Variants in UNC13C observed in about 807,000 individuals in gnomAD.
UNC13C encodes protein unc-13 homolog C.
A neutral mutation model predicts 245.4 loss-of-function variants in UNC13C; 174 were observed. The observed-to-expected ratio is 0.71, with a 90% confidence interval of 0.63 to 0.80. UNC13C has a LOEUF of 0.80. Among genes scored for constraint, UNC13C ranks in the 30% least tolerant of loss-of-function variants. The pLI is 0.00. For missense variants in UNC13C, 2,829 were observed against 2,602.9 expected (o/e 1.09, Z -1.89); for synonymous variants, 992 against 895.1 (o/e 1.11, Z -1.93).
chr15:54,344,212 C>T (rs1228678438), intron 17 of UNC13C, among the ~76,000 whole-genome samples: 3 of 152,094 alleles, frequency 2.0e-5, no homozygotes. Flanking sequence ...AATTAAGCTG[C>T]CAAAGTGAAG....
intron 13 of UNC13C, among the ~76,000 whole-genome samples, chr15:54,316,365 G>A (rs1567181670): frequency 6.6e-6 from 1 of 151,632 alleles, no homozygotes; most frequent in East Asian, 2.0e-4. Flanking sequence ...CCATTCCTCT[G>A]GAATACATTC....
chr15:54,403,156 C>A (rs1200680677), intron 18 of UNC13C, among the ~76,000 whole-genome samples: 1 of 152,230 alleles, frequency 6.6e-6, no homozygotes, highest in African/African-American at 2.4e-5. Flanking sequence ...TTACCCCATG[C>A]ACATCACACA....
chr15:54,185,193 C>T lies in UNC13C; in HGVS notation c.3071+41509C>T, dbSNP rs372861875. Reference sequence around the variant, plus strand: ...AGCCCTTTGTCAGATGAGTAGGTTGCAAAAATTTTTCTCCCATTCTGTAGG... The same window carrying T: ...AGCCCTTTGTCAGATGAGTAGGTTGTAAAAATTTTTCTCCCATTCTGTAGG... On this transcript the variant is annotated intron_variant, in intron 4 of 32. Transcript: ENST00000260323. Among the ~76,000 whole-genome samples the T allele has an allele frequency of 2.9e-3, 422 of 148,022 alleles. 1 individual carries two copies. The highest frequency in any genetic ancestry group is 5.1e-3 in the Non-Finnish European group (345 of 67,708).
intron 7 of UNC13C, 42 bp downstream of exon 7, chr15:54,237,732 C>T: frequency 3.5e-6 from 5 of 1,419,246 alleles, no homozygotes; most frequent in Non-Finnish European, 4.9e-6. Context: ...CTAGATATTG[C>T]TCATAATCAC....
chr15:53,940,158 G>T, the UNC13C span, among the ~76,000 whole-genome samples: 1 of 152,244 alleles, frequency 6.6e-6, no homozygotes, highest in Admixed American at 6.5e-5. Context: ...TTAGATAAGG[G>T]CTTAGAAATG....
chr15:54,333,089 T>C (rs114368467), intron 15 of UNC13C, among the ~76,000 whole-genome samples: 82 of 152,156 alleles, frequency 5.4e-4, no homozygotes, highest in African/African-American at 1.9e-3. Context: ...GAATATCTCG[T>C]AATTAGCGAT....
intron 19 of UNC13C, among the ~76,000 whole-genome samples, chr15:54,426,858 G>T (rs73419622): frequency 2.0e-5 from 3 of 151,742 alleles, no homozygotes; most frequent in Non-Finnish European, 2.9e-5. Flanking sequence ...TAGGTGCTAC[G>T]TGTAAAATGG....
At chr15:54,461,362 A>T (rs976838375) in intron 19 of UNC13C, among the ~76,000 whole-genome samples, 1 of 152,202 alleles carries the variant, frequency 6.6e-6, no homozygotes, top group Admixed American at 6.5e-5. Flanking sequence ...TCCAAAATTC[A>T]AAATCCAAAA....
chr15:53,878,015 A>G, the UNC13C span, among the ~76,000 whole-genome samples: 1 of 152,176 alleles, frequency 6.6e-6, no homozygotes, highest in African/African-American at 2.4e-5. Context: ...TTGATCTACC[A>G]TAATGCTTTT....
chr15:54,407,233 T>A (rs2040312690), intron 18 of UNC13C, among the ~76,000 whole-genome samples: 1 of 152,064 alleles, frequency 6.6e-6, no homozygotes, highest in Admixed American at 6.6e-5. Flanking sequence ...CATAAACTAA[T>A]TGATTAGTGC....
At chr15:53,984,397 C>G (rs1040760944) in intron 1 of UNC13C, among the ~76,000 whole-genome samples, 3 of 152,066 alleles carry the variant, frequency 2.0e-5, no homozygotes, top group African/African-American at 7.2e-5. Context: ...GAGATTTCTT[C>G]TTTGGTCTTG....
intron 24 of UNC13C, among the ~76,000 whole-genome samples, chr15:54,518,856 AC>A (rs1397062699): frequency 6.6e-6 from 1 of 152,222 alleles, no homozygotes; most frequent in Non-Finnish European, 1.5e-5. Context: ...AAAATTCTGA[AC>A]ATAAAGTGTC....
chr15:54,416,903 A>G (rs568218147), intron 19 of UNC13C: 35 of 456,530 alleles, frequency 7.7e-5, no homozygotes, highest in African/African-American at 5.6e-4. Context: ...TTATTCCTGC[A>G]TGAGGGATTT....
At chr15:54,045,499 G>C (rs1896997567) in intron 2 of UNC13C, among the ~76,000 whole-genome samples, 1 of 151,890 alleles carries the variant, frequency 6.6e-6, no homozygotes. Flanking sequence ...CAGAGCACCT[G>C]TTCTTAACTG....
intron 10 of UNC13C, among the ~76,000 whole-genome samples, chr15:54,270,143 T>G (rs543639696): frequency 6.6e-6 from 1 of 152,334 alleles, no homozygotes; most frequent in Non-Finnish European, 1.5e-5. Flanking sequence ...TACCAGTGCA[T>G]GTTTTCATTT....
chr15:54,129,924 T>TC (rs2141212154), intron 2 of UNC13C, among the ~76,000 whole-genome samples: 1 of 151,696 alleles, frequency 6.6e-6, no homozygotes, highest in African/African-American at 2.4e-5. Context: ...TGTGTTTTTT[T>TC]TTTATCTTCT....
chr15:53,930,973 C>G, the UNC13C span, among the ~76,000 whole-genome samples: 1 of 152,080 alleles, frequency 6.6e-6, no homozygotes, highest in Non-Finnish European at 1.5e-5. Flanking sequence ...ACTCTCTAGT[C>G]AAAATGAGCT....
At chr15:54,489,078 TATAATTGTAG>T (rs1893567987) in intron 19 of UNC13C, among the ~76,000 whole-genome samples, 1 of 152,196 alleles carries the variant, frequency 6.6e-6, no homozygotes, top group Non-Finnish European at 1.5e-5. Flanking sequence ...TTAGTTAGGA[TATAATTGTAG>T]TTTATTTTAA....
At chr15:54,607,974 C>T (rs917513073) in intron 30 of UNC13C, among the ~76,000 whole-genome samples, 1 of 152,126 alleles carries the variant, frequency 6.6e-6, no homozygotes, top group Non-Finnish European at 1.5e-5. Flanking sequence ...TATTTCATAA[C>T]TTCTCCTCAA....
Sources: gnomAD v4.1 joint callset for allele counts (sites outside exome capture counted in the v4.1 genomes callset) on GRCh38, gnomAD v4.1.1 for gene constraint, MANE v1.5 for transcripts, NCBI Gene and HGNC (gene_info 2026-07-23, HGNC 2026-07-21) for gene names.